GABRA2: variants seen among roughly 807,000 people sequenced by gnomAD.
GABRA2 encodes gamma-aminobutyric acid receptor subunit alpha-2.
GABRA2 carries 16 observed loss-of-function variants against 48.7 expected under a neutral mutation model. That is an observed-to-expected ratio of 0.33 (90% CI 0.22 to 0.50). The LOEUF (loss-of-function observed/expected upper bound fraction) is 0.50, where lower values mean the gene tolerates loss of function less well. Ranked by LOEUF, GABRA2 falls within the 20% of genes least tolerant of loss-of-function variation. GABRA2 has a pLI of 0.98. For synonymous variants in GABRA2, 185 were observed against 184.5 expected (o/e 1.00, Z -0.02); for missense variants, 275 against 535.6 (o/e 0.51, Z 4.80).
chr4:46,291,790 T>TATAC (rs1560485508), intron 8 of GABRA2, among the ~76,000 whole-genome samples: 1 of 149,728 alleles, frequency 6.7e-6, no homozygotes, highest in African/African-American at 2.4e-5. Context: ...TATATATATA[T>TATAC]ACATATACAT....
rs1713454989 is a variant in GABRA2 at position 46,245,031 on chromosome 4, T to A, written c.*5277A>T. ...AGGTTTTTGGTTTTTTTGTTGTTTT[T>A]TGTTTTTTTGTTTGTTTGTTTCGTT... On this transcript the variant is annotated 3_prime_UTR_variant, in exon 10 of 10. Coordinates refer to ENST00000381620, the MANE Select transcript of GABRA2 (RefSeq NM_000807.4). Among the ~76,000 whole-genome samples, 1 of 151,350 alleles carries A rather than the reference T, an allele frequency of 6.6e-6. No individual in the cohort carries two copies. The highest frequency in any genetic ancestry group is 2.4e-5 in the African/African-American group (1 of 41,370).
At chr4:46,285,494 T>C (rs1722384181) in intron 8 of GABRA2, among the ~76,000 whole-genome samples, 1 of 152,064 alleles carries the variant, frequency 6.6e-6, no homozygotes, top group South Asian at 2.1e-4. Flanking sequence ...GAGTCTTCTG[T>C]TGACTCCCTC....
chr4:46,310,355 T>A, intron 5 of GABRA2, 100 bp from the exon 6 acceptor site: 1 of 759,476 alleles, frequency 1.3e-6, no homozygotes, highest in Admixed American at 2.0e-5. Context: ...AGAGCATTAA[T>A]CACAGCAGTA....
intron 2 of GABRA2, among the ~76,000 whole-genome samples, chr4:46,388,121 ATTGT>A (rs1717722583): frequency 6.6e-6 from 1 of 152,026 alleles, no homozygotes; most frequent in African/African-American, 2.4e-5. Flanking sequence ...CTTTTGTTTC[ATTGT>A]TTGTGATTGT....
At chr4:46,296,342 A>T (rs1724682448) in intron 8 of GABRA2, among the ~76,000 whole-genome samples, 1 of 152,106 alleles carries the variant, frequency 6.6e-6, no homozygotes, top group African/African-American at 2.4e-5. Context: ...CTGGCACCAG[A>T]GGAAACATCA....
chr4:46,338,401 A>G (rs1289267108), intron 3 of GABRA2, among the ~76,000 whole-genome samples: 2 of 151,944 alleles, frequency 1.3e-5, no homozygotes, highest in African/African-American at 2.4e-5. Flanking sequence ...ATATTTAGGA[A>G]AAAAACTTAA....
At chr4:46,286,671 G>T (rs572788901) in intron 8 of GABRA2, among the ~76,000 whole-genome samples, 1 of 152,054 alleles carries the variant, frequency 6.6e-6, no homozygotes, top group South Asian at 2.1e-4. Context: ...TCACACTGTG[G>T]TTTTTGTTTG....
chr4:46,261,481 A>G (rs1421033938), intron 9 of GABRA2: 2 of 185,326 alleles, frequency 1.1e-5, no homozygotes, highest in African/African-American at 4.7e-5. Context: ...ATCTCTTTAT[A>G]ATAATGCAGT....
At chr4:46,372,054 A>G (rs752845966) in intron 3 of GABRA2, among the ~76,000 whole-genome samples, 4 of 152,218 alleles carry the variant, frequency 2.6e-5, no homozygotes, top group Non-Finnish European at 4.4e-5. Context: ...CAACATATGC[A>G]TGTTAATAAT....
At chr4:46,283,353 C>T (rs1213227359) in intron 8 of GABRA2, among the ~76,000 whole-genome samples, 1 of 152,058 alleles carries the variant, frequency 6.6e-6, no homozygotes. Flanking sequence ...TTGTAACCCA[C>T]GAATTAAGCA....
chr4:46,274,704 C>T (rs542301584), intron 8 of GABRA2, among the ~76,000 whole-genome samples: 43 of 152,234 alleles, frequency 2.8e-4, no homozygotes, highest in African/African-American at 9.6e-4. Context: ...TCTCCCCTCT[C>T]TACTTCCTTT....
At chr4:46,330,589 TATAG>T (rs1474263133) in intron 4 of GABRA2, among the ~76,000 whole-genome samples, 19 of 124,672 alleles carry the variant, frequency 1.5e-4, no homozygotes, top group African/African-American at 3.6e-4. Flanking sequence ...TATATATATA[TATAG>T]AGAGAGAGAG....
chr4:46,346,818 G>A (rs2109882399), intron 3 of GABRA2, among the ~76,000 whole-genome samples: 1 of 151,674 alleles, frequency 6.6e-6, no homozygotes, highest in Admixed American at 6.6e-5. Flanking sequence ...AAAAATAAAA[G>A]GCATCCAAGT....
intron 3 of GABRA2, among the ~76,000 whole-genome samples, chr4:46,372,316 A>G (rs1004720357): frequency 6.6e-6 from 1 of 152,198 alleles, no homozygotes; most frequent in African/African-American, 2.4e-5. Flanking sequence ...GTAAAGGCAG[A>G]AATCAGCTGC....
chr4:46,333,492 GA>G (rs1731716398), intron 3 of GABRA2, among the ~76,000 whole-genome samples: 1 of 152,010 alleles, frequency 6.6e-6, no homozygotes, highest in Non-Finnish European at 1.5e-5. Flanking sequence ...TTATCATCAT[GA>G]GCTAAATGTC....
intron 3 of GABRA2, among the ~76,000 whole-genome samples, chr4:46,340,515 T>A (rs1005792225): frequency 6.6e-6 from 1 of 152,000 alleles, no homozygotes; most frequent in Admixed American, 6.6e-5. Context: ...TTGTCATGAA[T>A]GAGTGTTGGA....
intron 4 of GABRA2, 78 bp downstream of exon 4, chr4:46,332,537 T>TA: frequency 1.2e-6 from 1 of 827,718 alleles, no homozygotes; most frequent in Non-Finnish European, 2.1e-6. Context: ...TCTATAACAC[T>TA]AAAAATGCTA....
At chr4:46,318,930 C>G (rs981862445) in intron 4 of GABRA2, among the ~76,000 whole-genome samples, 7 of 151,590 alleles carry the variant, frequency 4.6e-5, no homozygotes, top group African/African-American at 1.5e-4. Flanking sequence ...AAATTTAACC[C>G]AATTTCCTCC....
chr4:46,385,292 A>G (rs148145556), intron 3 of GABRA2, among the ~76,000 whole-genome samples: 1 of 151,848 alleles, frequency 6.6e-6, no homozygotes, highest in Non-Finnish European at 1.5e-5. Context: ...TTTTGAATTA[A>G]CTGTGAAACT....
Sources: gnomAD v4.1 joint callset for allele counts (sites outside exome capture counted in the v4.1 genomes callset) on GRCh38, gnomAD v4.1.1 for gene constraint, MANE v1.5 for transcripts, NCBI Gene and HGNC (gene_info 2026-07-23, HGNC 2026-07-21) for gene names.